The following TRPM3 variants were observed in gnomAD, a reference collection of about 807,000 sequenced individuals.
The protein encoded by TRPM3 is transient receptor potential cation channel subfamily M member 3.
In TRPM3, 77 loss-of-function variants were observed where a neutral mutation model predicts 181.2. That is an observed-to-expected ratio of 0.42 (90% CI 0.35 to 0.51). The LOEUF is 0.51. Among genes scored for constraint, TRPM3 ranks in the 20% least tolerant of loss-of-function variants. The pLI, the probability that TRPM3 is intolerant of heterozygous loss-of-function variation, is 0.01. For synonymous variants in TRPM3, 745 were observed against 796.4 expected, an observed-to-expected ratio of 0.94 and a Z score of 1.09; for missense variants, 1,759 against 2,196.7, an observed-to-expected ratio of 0.80 and a Z score of 3.98.
intron 1 of TRPM3, among the ~76,000 whole-genome samples, chr9:71,080,787 A>T (rs1325939392): frequency 6.6e-6 from 1 of 152,220 alleles, no homozygotes; most frequent in Non-Finnish European, 1.5e-5. Context: ...GATACTACAG[A>T]AGAAAGAAAC....
chr9:71,110,235 T>C lies in TRPM3; in HGVS notation c.177+10943A>G, dbSNP rs71505923. 7.3e-3 allele frequency among the ~76,000 whole-genome samples: 1,108 copies of C among 152,240 alleles called. 2 individuals carry two copies. The highest frequency in any genetic ancestry group is 0.02 in the South Asian group (97 of 4,824). On this transcript the variant is annotated intron_variant, in intron 1 of 25. Transcript: ENST00000677713. ...AGAATGTTAAAGGTGGAAAGAACCT[T>C]AAGGATCATCTCATAGTTGGCAAAC... is the stretch of plus-strand genomic sequence containing the variant.
intron 1 of TRPM3, among the ~76,000 whole-genome samples, chr9:71,209,510 A>G (rs1020612399): frequency 2.1e-4 from 32 of 152,210 alleles, no homozygotes; most frequent in African/African-American, 7.7e-4. Flanking sequence ...CAGGTATTGG[A>G]GCCCATCTTA....
chr9:70,993,457 C>T (rs982155130), intron 1 of TRPM3, among the ~76,000 whole-genome samples: 6 of 152,022 alleles, frequency 3.9e-5, no homozygotes, highest in East Asian at 1.9e-4. Context: ...ATAGAATGGG[C>T]GCTTTAGCAT....
intron 1 of TRPM3, among the ~76,000 whole-genome samples, chr9:71,317,213 T>C (rs892110433): frequency 6.6e-6 from 1 of 152,184 alleles, no homozygotes; most frequent in Non-Finnish European, 1.5e-5. Context: ...GCTGAATCTA[T>C]CATTTCTAGC....
At chr9:70,810,670 G>A (rs930455578) in intron 6 of TRPM3, among the ~76,000 whole-genome samples, 1 of 151,948 alleles carries the variant, frequency 6.6e-6, no homozygotes, top group African/African-American at 2.4e-5. Context: ...CAAACTTTAG[G>A]GGAGCCTTTT....
rs1248952259 is a variant in TRPM3, at chr9:71,191,868, G to C, written c.183+254785C>G. Among the ~76,000 whole-genome samples the C allele has an allele frequency of 2.0e-5, 3 of 151,454 alleles. No individual in the cohort carries two copies. In the East Asian group the frequency reaches 5.8e-4, roughly 29 times the overall value. On this transcript the variant is annotated intron_variant, in intron 1 of 24. Transcript: ENST00000357533. Reference sequence around the variant, plus strand: ...TCAGCCACTGGTAGCCTCTGCTTCAGGGTGATGTCATATCTGTAAGGTTAA... The same window carrying C: ...TCAGCCACTGGTAGCCTCTGCTTCACGGTGATGTCATATCTGTAAGGTTAA...
chr9:71,119,027 T>C (rs1219387112), intron 1 of TRPM3, among the ~76,000 whole-genome samples: 1 of 152,060 alleles, frequency 6.6e-6, no homozygotes, highest in African/African-American at 2.4e-5. Flanking sequence ...CAACAATCCA[T>C]AGGAAAAAAA....
rs558169655 is a variant in TRPM3, at chr9:71,363,988, T to G, written c.183+82665A>C. On this transcript the variant is annotated intron_variant, in intron 1 of 24. Transcript: ENST00000357533. ...ACATGGATTAAATGATGCGCTAAACTTGAGGTGTTTAAGTTCATTTAGCTT... is the reference window on the plus strand; with the variant it reads ...ACATGGATTAAATGATGCGCTAAACGTGAGGTGTTTAAGTTCATTTAGCTT... Among the ~76,000 whole-genome samples, 4 of 152,272 alleles carry G rather than the reference T, an allele frequency of 2.6e-5. No homozygotes were observed. In the South Asian group the frequency reaches 8.3e-4, roughly 32 times the overall value.
intron 7 of TRPM3, among the ~76,000 whole-genome samples, chr9:70,764,891 T>C (rs1447575171): frequency 1.3e-5 from 2 of 151,824 alleles, no homozygotes; most frequent in Non-Finnish European, 2.9e-5. Context: ...AGATCTCCCC[T>C]TTTAATGAAG....
chr9:71,127,568 T>C (rs922213617), intron 1 of TRPM3, among the ~76,000 whole-genome samples: 1 of 152,224 alleles, frequency 6.6e-6, no homozygotes, highest in East Asian at 1.9e-4. Context: ...AGGCTTAGTT[T>C]CCACATTGTA....
At position 71,003,254 on chromosome 9, in the gene TRPM3, G is replaced by C. The variant is rs547979753; in HGVS notation, c.177+117924C>G. Among the ~76,000 whole-genome samples, 7 of 150,072 alleles carry C rather than the reference G, an allele frequency of 4.7e-5. No homozygotes were observed. The East Asian group carries it at 1.4e-3, about 30-fold the overall frequency. On this transcript the variant is annotated intron_variant, in intron 1 of 25. Transcript: ENST00000677713. ...TGTAAATCACTGCATAGCAGTTCAA[G>C]GATCTTTTCCCCATTTTCTGTGTGC...
intron 8 of TRPM3, among the ~76,000 whole-genome samples, chr9:70,699,809 G>A (rs1310243647): frequency 6.6e-6 from 1 of 152,132 alleles, no homozygotes; most frequent in Non-Finnish European, 1.5e-5. Context: ...ATAAGGGCCT[G>A]GAATAGGGGT....
intron 1 of TRPM3, among the ~76,000 whole-genome samples, chr9:71,244,904 G>T (rs571096361): frequency 1.1e-4 from 16 of 152,194 alleles, no homozygotes; most frequent in Non-Finnish European, 1.6e-4. Flanking sequence ...CTTAGTGATA[G>T]ATTAGGGGAA....
At chr9:71,122,074 C>T (rs947683403), upstream of TRPM3, among the ~76,000 whole-genome samples, 11 of 152,164 alleles carry the variant, frequency 7.2e-5, no homozygotes, top group Non-Finnish European at 1.5e-4. Context: ...GCAGTTTAAA[C>T]TCATGGGCAT....
chr9:70,690,205 T>G (rs1017784502), intron 8 of TRPM3, among the ~76,000 whole-genome samples: 2 of 152,172 alleles, frequency 1.3e-5, no homozygotes, highest in Non-Finnish European at 1.5e-5. Flanking sequence ...GTGTTAGATA[T>G]GTAAGAAATG....
intron 20 of TRPM3, among the ~76,000 whole-genome samples, chr9:70,600,755 A>C: frequency 6.6e-6 from 1 of 152,178 alleles, no homozygotes; most frequent in South Asian, 2.1e-4. Context: ...CTGCATCTTA[A>C]CAGAGCAAAA....
intron 7 of TRPM3, among the ~76,000 whole-genome samples, chr9:70,780,989 T>A (rs1266595563): frequency 1.3e-5 from 2 of 152,068 alleles, no homozygotes; most frequent in Non-Finnish European, 2.9e-5. Context: ...ATATTTTGAC[T>A]ATAAAAAATT....
intron 1 of TRPM3, among the ~76,000 whole-genome samples, chr9:70,953,142 G>T (rs2133720665): frequency 6.6e-6 from 1 of 152,292 alleles, no homozygotes; most frequent in Middle Eastern, 3.4e-3. Context: ...GACAAAGTCT[G>T]TGACATATCT....
Position 70,625,650 on chromosome 9 carries a change from A to G in TRPM3, c.1633-133T>C, listed in dbSNP as rs2064446315. 1 of 877,126 alleles carries G rather than the reference A, an allele frequency of 1.1e-6. No individual in the cohort carries two copies. The highest frequency in any genetic ancestry group is 2.7e-5 in the Admixed American group (1 of 37,308). 54.3% of individuals were successfully genotyped at this position (877,126 alleles called of 1,614,324 possible). ...GTAGAAGAAAGAAACACAAGGCTAG[A>G]CAGGGCAAATGCTATCACTCCCAGG... On this transcript the variant is annotated intron_variant, in intron 12 of 25. Coordinates refer to ENST00000677713, the MANE Select transcript of TRPM3 (RefSeq NM_001366145.2). This position sits in a 1 kb window ranked among gnomAD's most constrained non-coding sequence, Gnocchi z 4.8.
Sources: gnomAD v4.1 joint callset for allele counts (sites outside exome capture counted in the v4.1 genomes callset) on GRCh38, gnomAD v4.1.1 for gene constraint, Gnocchi (gnomAD v3.1) non-coding constraint, MANE v1.5 for transcripts, NCBI Gene and HGNC (gene_info 2026-07-23, HGNC 2026-07-21) for gene names.